TYW3: variants seen among roughly 807,000 people sequenced by gnomAD.
TYW3 encodes the protein tRNA wybutosine-synthesizing protein 3 homolog.
TYW3 carries 26 observed loss-of-function variants against 23.1 expected under a neutral mutation model. The observed-to-expected ratio is 1.13, with a 90% CI of 0.83 to 1.56. The LOEUF is 1.56. Ranked by LOEUF, TYW3 falls within the 40% of genes most tolerant of loss-of-function variation. TYW3 has a pLI of 0.00. For missense variants in TYW3, 316 were observed against 311.9 expected (o/e 1.01, Z -0.10); for synonymous variants, 102 against 105.7 (o/e 0.97, Z 0.21).
intron 5 of TYW3, among the ~76,000 whole-genome samples, chr1:74,756,840 G>T (rs567133858): frequency 6.6e-6 from 1 of 152,340 alleles, no homozygotes; most frequent in South Asian, 2.1e-4. Context: ...GGAAAAAGTG[G>T]TTTTGTGGGC....
chr1:74,746,108 A>G (rs147391281), intron 3 of TYW3, among the ~76,000 whole-genome samples: 5 of 152,358 alleles, frequency 3.3e-5, no homozygotes, highest in African/African-American at 1.2e-4. Context: ...CACCTAAGTG[A>G]AAATTTCAAA....
At chr1:74,760,951 G>C (rs1453458656) in intron 5 of TYW3, among the ~76,000 whole-genome samples, 1 of 152,182 alleles carries the variant, frequency 6.6e-6, no homozygotes, top group Non-Finnish European at 1.5e-5. Context: ...CTTATGAAGA[G>C]AACTAAGTAC....
At chr1:74,741,298 C>T (rs1648353801) in intron 3 of TYW3, among the ~76,000 whole-genome samples, 2 of 152,254 alleles carry the variant, frequency 1.3e-5, no homozygotes, top group Admixed American at 6.5e-5. Flanking sequence ...CCTTTTTAGT[C>T]TGGGATGTTT....
At chr1:74,750,879 C>T (rs1481491057) in intron 4 of TYW3, among the ~76,000 whole-genome samples, 1 of 141,690 alleles carries the variant, frequency 7.1e-6, no homozygotes, top group East Asian at 2.2e-4. Flanking sequence ...TCAGTCTCAG[C>T]TCACTGCAAC....
chr1:74,764,376 G>T lies in TYW3; in HGVS notation c.*263G>T. The T allele has an allele frequency of 3.2e-6, 1 of 308,240 alleles. No individual in the cohort carries two copies. Among genetic ancestry groups the T allele is most frequent in the Non-Finnish European group, 5.9e-6 (1 of 169,212 alleles). The allele number at this position is 308,240 out of a possible 1,614,324, so 19.1% of individuals were successfully genotyped here. A position where few individuals can be genotyped will look rare whatever the true frequency, so the allele number is the denominator to read the frequency against. Reference sequence around the variant, plus strand: ...TTACCAGTTTCTCCCAGAAGCACCTGCTTAATAAATCAAAGATGTTTGAAT... The same window carrying T: ...TTACCAGTTTCTCCCAGAAGCACCTTCTTAATAAATCAAAGATGTTTGAAT... On this transcript the variant is annotated 3_prime_UTR_variant, in exon 6 of 6. Transcript: ENST00000370867.
At chr1:74,760,059 G>A (rs140293905) in intron 5 of TYW3, among the ~76,000 whole-genome samples, 1 of 152,294 alleles carries the variant, frequency 6.6e-6, no homozygotes, top group African/African-American at 2.4e-5. Context: ...TATATATTGT[G>A]TACTGTATTC....
chr1:74,740,277 T>C (rs547816961), intron 3 of TYW3, among the ~76,000 whole-genome samples: 1 of 152,150 alleles, frequency 6.6e-6, no homozygotes, highest in African/African-American at 2.4e-5. Flanking sequence ...ATGTCCAGAG[T>C]TGTTTGTTCC....
chr1:74,740,466 G>A lies in TYW3; in HGVS notation c.354+1678G>A, dbSNP rs185212282. Among the ~76,000 whole-genome samples the A allele has an allele frequency of 3.9e-3, 587 of 152,282 alleles. 7 individuals are homozygous for A. The highest frequency in any genetic ancestry group is 5.1e-3 in the Non-Finnish European group (350 of 68,016). On this transcript the variant is annotated intron_variant, in intron 3 of 5. Coordinates refer to ENST00000370867, the MANE Select transcript of TYW3 (RefSeq NM_138467.3). ...GGGACTCAAGTGGGTTGCTGCTGCT[G>A]GCTCGGGTGGACAGTTTTTATTCCC...
intron 4 of TYW3, among the ~76,000 whole-genome samples, chr1:74,749,823 G>A (rs1180554780): frequency 1.3e-5 from 2 of 152,150 alleles, no homozygotes; most frequent in Non-Finnish European, 2.9e-5. Flanking sequence ...GGGCGTGGTG[G>A]TGCGTAGCTG....
At chr1:74,750,444 A>G (rs1367773674) in intron 4 of TYW3, among the ~76,000 whole-genome samples, 1 of 151,968 alleles carries the variant, frequency 6.6e-6, no homozygotes, top group African/African-American at 2.4e-5. Context: ...TGTGCCTGTA[A>G]TTACAGCTAC....
intron 3 of TYW3, 50 bp downstream of exon 3, chr1:74,738,838 G>A (rs1163676331): frequency 1.6e-5 from 23 of 1,420,376 alleles, no homozygotes; most frequent in Non-Finnish European, 2.3e-5. Flanking sequence ...GTGGGTAGAT[G>A]TAATTTTAAG....
chr1:74,743,103 C>T (rs1648420468), intron 3 of TYW3, among the ~76,000 whole-genome samples: 1 of 152,134 alleles, frequency 6.6e-6, no homozygotes. Flanking sequence ...GGCAGTGCAC[C>T]TTCCAGTGAT....
At chr1:74,759,499 G>A (rs1054035494) in intron 5 of TYW3, among the ~76,000 whole-genome samples, 3 of 151,638 alleles carry the variant, frequency 2.0e-5, no homozygotes, top group African/African-American at 7.3e-5. Context: ...ATAAGCATGA[G>A]CCACTGCACA....
Position 74,752,355 on chromosome 1 carries a change from G to A in TYW3, c.490G>A (p.Glu164Lys), listed in dbSNP as rs752168101. The change falls in exon 5 of 6, where the codon GAG (glutamate) becomes AAG (lysine). Residue 164 changes from glutamate (E) to lysine (K), a missense_variant. Glu to Lys is a moderately conservative substitution (Grantham distance 56). Coordinates refer to ENST00000370867, the MANE Select transcript of TYW3 (RefSeq NM_138467.3). ...LSHKGKLMVT[E>K]EYIDFLLNVA... Reference sequence around the variant, plus strand: ...CCATAAGGGAAAACTGATGGTGACAGAGGAATATATTGACTTCCTGTTAAA... The same window carrying A: ...CCATAAGGGAAAACTGATGGTGACAAAGGAATATATTGACTTCCTGTTAAA... The A allele has an allele frequency of 9.3e-6, 15 of 1,613,592 alleles. No homozygotes were observed. The South Asian group carries it at 1.6e-4, about 18-fold the overall frequency.
intron 3 of TYW3, among the ~76,000 whole-genome samples, chr1:74,739,471 T>G (rs966563053): frequency 3.3e-5 from 5 of 152,356 alleles, no homozygotes; most frequent in Non-Finnish European, 7.3e-5. Flanking sequence ...TAGGCTTCTC[T>G]GAAAAGCTTT....
intron 5 of TYW3, among the ~76,000 whole-genome samples, chr1:74,762,221 A>G (rs571939677): frequency 6.6e-6 from 1 of 152,290 alleles, no homozygotes; most frequent in East Asian, 1.9e-4. Flanking sequence ...GTTAGGTGAC[A>G]TATTTAGGAA....
intron 5 of TYW3, among the ~76,000 whole-genome samples, chr1:74,762,366 T>G (rs1456843222): frequency 6.6e-6 from 1 of 152,120 alleles, no homozygotes; most frequent in Non-Finnish European, 1.5e-5. Context: ...CTTGCCATAG[T>G]CTCCCATTAT....
chr1:74,758,302 T>C (rs1173730885), intron 5 of TYW3, among the ~76,000 whole-genome samples: 1 of 152,242 alleles, frequency 6.6e-6, no homozygotes, highest in Non-Finnish European at 1.5e-5. Flanking sequence ...ACATATCCAA[T>C]AACCATTTGA....
intron 5 of TYW3, among the ~76,000 whole-genome samples, chr1:74,752,908 C>G (rs928930738): frequency 7.0e-6 from 1 of 143,828 alleles, no homozygotes; most frequent in Admixed American, 7.2e-5. Flanking sequence ...AAACTCTTGT[C>G]ATGGATTAGA....
Sources: gnomAD v4.1 joint callset for allele counts (sites outside exome capture counted in the v4.1 genomes callset) on GRCh38, gnomAD v4.1.1 for gene constraint, MANE v1.5 for transcripts, NCBI Gene and HGNC (gene_info 2026-07-23, HGNC 2026-07-21) for gene names.